The following SNX24 variants were observed in gnomAD, a reference collection of about 807,000 sequenced individuals.
The protein encoded by SNX24 is sorting nexin 24, also known as sorting nexin-24.
A neutral mutation model predicts 28.7 loss-of-function variants in SNX24; 22 were observed. The ratio of observed to expected loss-of-function variants is 0.77; its 90% CI spans 0.55 to 1.10. The LOEUF (loss-of-function observed/expected upper bound fraction) is 1.10. Among genes scored for constraint, SNX24 ranks in the 50% least tolerant of loss-of-function variants. SNX24 has a pLI of 0.00. For synonymous variants in SNX24, 69 were observed against 71.5 expected, an observed-to-expected ratio of 0.96 and a Z score of 0.18; for missense variants, 221 against 201.1, an observed-to-expected ratio of 1.10 and a Z score of -0.60.
intron 3 of SNX24, among the ~76,000 whole-genome samples, chr5:122,972,349 C>T (rs1372618665): frequency 6.6e-6 from 1 of 152,162 alleles, no homozygotes; most frequent in African/African-American, 2.4e-5. Flanking sequence ...CACTTCCACC[C>T]CTTGATTCCT....
In SNX24 at chr5:123,007,767, A is replaced by G. The variant is rs771753040; in HGVS notation, c.*18A>G. 7.6e-6 allele frequency: 12 copies of G among 1,588,256 alleles called. No individual in the cohort carries two copies. In the South Asian group the frequency reaches 9.4e-5, roughly 12 times the overall value. ...CCAGGTAGAAATCCTACATGGCTAA[A>G]AGAAGCAGAAGCAAGTTTCGAAGTC... is the stretch of plus-strand genomic sequence containing the variant. On this transcript the variant is annotated 3_prime_UTR_variant, in exon 7 of 7. Coordinates refer to ENST00000261369, the MANE Select transcript of SNX24 (RefSeq NM_014035.4).
intron 1 of SNX24, chr5:122,891,128 A>AT (rs1561554601): frequency 6.7e-7 from 1 of 1,485,690 alleles, no homozygotes; most frequent in Non-Finnish European, 9.0e-7. Flanking sequence ...CATATCAGGT[A>AT]TTTTTGACTG....
intron 1 of SNX24, among the ~76,000 whole-genome samples, chr5:122,879,870 G>T (rs1756399080): frequency 1.3e-5 from 2 of 152,162 alleles, no homozygotes; most frequent in Admixed American, 1.3e-4. Context: ...ATGTTATAGG[G>T]TTGTTGCAAA....
intron 1 of SNX24, among the ~76,000 whole-genome samples, chr5:122,870,496 G>T (rs2150051041): frequency 6.6e-6 from 1 of 152,278 alleles, no homozygotes; most frequent in South Asian, 2.1e-4. Flanking sequence ...CTGCAGCTTT[G>T]TACCTAAGTT....
intron 3 of SNX24, among the ~76,000 whole-genome samples, chr5:122,956,073 A>G (rs749888792): frequency 1.2e-4 from 18 of 149,876 alleles, no homozygotes; most frequent in Non-Finnish European, 1.0e-4. Context: ...TTTTTTCTCT[A>G]TCTCTGGGCA....
At chr5:122,888,793 T>C (rs1423433603) in intron 1 of SNX24, among the ~76,000 whole-genome samples, 5 of 152,204 alleles carry the variant, frequency 3.3e-5, no homozygotes, top group African/African-American at 1.2e-4. Context: ...GGAAATGAAC[T>C]ATCAGCCCCC....
intron 1 of SNX24, among the ~76,000 whole-genome samples, chr5:122,857,023 T>C (rs919183142): frequency 2.6e-5 from 4 of 152,068 alleles, no homozygotes; most frequent in African/African-American, 7.2e-5. Flanking sequence ...TCTTTCTTTT[T>C]TTTTTGAGAC....
intron 5 of SNX24, among the ~76,000 whole-genome samples, chr5:123,020,476 C>T (rs1289473894): frequency 1.3e-5 from 2 of 152,176 alleles, no homozygotes; most frequent in Non-Finnish European, 2.9e-5. Context: ...AGTTCTCTAA[C>T]ATCAGTCTTA....
At chr5:122,915,030 T>G (rs538127499) in intron 1 of SNX24, among the ~76,000 whole-genome samples, 112 of 152,302 alleles carry the variant, frequency 7.4e-4, no homozygotes, top group African/African-American at 2.7e-3. Context: ...CCAAAATGTC[T>G]GGGACCAGAA....
intron 1 of SNX24, among the ~76,000 whole-genome samples, chr5:122,888,239 G>C (rs1164517380): frequency 6.6e-6 from 1 of 152,122 alleles, no homozygotes; most frequent in Non-Finnish European, 1.5e-5. Context: ...CTTGGAATGT[G>C]AGTCTACCTT....
chr5:122,910,829 T>C lies in SNX24; in HGVS notation c.61-25905T>C, dbSNP rs1359094235. The stretch of plus-strand genomic sequence containing the variant: ...TTTTTTATGGCTGCTTAGTATTCCA[T>C]GGTGTATATGTGCCACATTTTCTTA... On this transcript the variant is annotated intron_variant, in intron 1 of 6. Transcript: ENST00000261369. 2.6e-5 allele frequency among the ~76,000 whole-genome samples: 4 copies of C among 152,170 alleles called. No homozygotes were observed. In the East Asian group the frequency reaches 7.7e-4, roughly 29 times the overall value.
chr5:123,028,898 G>C (rs1762902420), intron 5 of SNX24: 4 of 1,519,228 alleles, frequency 2.6e-6, no homozygotes, highest in African/African-American at 1.4e-5. Flanking sequence ...TGAATAACAA[G>C]TAACAGAGGC....
At chr5:122,956,211 C>T (rs1272692567) in intron 3 of SNX24, among the ~76,000 whole-genome samples, 1 of 152,046 alleles carries the variant, frequency 6.6e-6, no homozygotes. Flanking sequence ...ATGCCACAGA[C>T]GTTCTATTAT....
chr5:122,934,404 G>A (rs1055351591), intron 1 of SNX24, among the ~76,000 whole-genome samples: 5 of 152,066 alleles, frequency 3.3e-5, no homozygotes, highest in African/African-American at 1.2e-4. Context: ...CGGTTGCCCA[G>A]GCTAGAGTTC....
At chr5:123,000,074 A>G in intron 4 of SNX24, 68 bp downstream of exon 4, 2 of 1,090,660 alleles carry the variant, frequency 1.8e-6, no homozygotes, top group Non-Finnish European at 2.8e-6. Flanking sequence ...TGATCTAACA[A>G]ATAGCCCAGA....
At chr5:122,982,423 GA>G (rs970637001) in intron 3 of SNX24, among the ~76,000 whole-genome samples, 1 of 151,944 alleles carries the variant, frequency 6.6e-6, no homozygotes, top group African/African-American at 2.4e-5. Flanking sequence ...TGTGCTACTG[GA>G]AAAAAATGGG....
intron 3 of SNX24, among the ~76,000 whole-genome samples, chr5:122,967,362 G>A (rs1760754620): frequency 6.6e-6 from 1 of 152,098 alleles, no homozygotes; most frequent in Non-Finnish European, 1.5e-5. Flanking sequence ...AGTAGACAAC[G>A]TGGTAGCAAC....
intron 1 of SNX24, among the ~76,000 whole-genome samples, chr5:122,859,084 A>G (rs1755335769): frequency 6.6e-6 from 1 of 152,206 alleles, no homozygotes; most frequent in Non-Finnish European, 1.5e-5. Context: ...ATTTCTAGGT[A>G]TCATGCCTGG....
intron 1 of SNX24, among the ~76,000 whole-genome samples, chr5:122,888,074 G>A: frequency 6.6e-6 from 1 of 152,048 alleles, no homozygotes; most frequent in East Asian, 1.9e-4. Context: ...CATTTGACTT[G>A]CTTTTGATTT....
Sources: allele counts gnomAD v4.1 joint callset (sites outside exome capture counted in the v4.1 genomes callset), GRCh38; gene constraint gnomAD v4.1.1; transcripts MANE v1.5; gene names NCBI Gene and HGNC (gene_info 2026-07-23, HGNC 2026-07-21).